ZMYND15: variants seen among roughly 807,000 people sequenced by gnomAD.
The protein encoded by ZMYND15 is zinc finger MYND-type containing 15, also known as zinc finger MYND domain-containing protein 15.
ZMYND15 carries 54 observed loss-of-function variants against 81.7 expected under a neutral mutation model. The ratio of observed to expected loss-of-function variants is 0.66; its 90% CI spans 0.53 to 0.83. The LOEUF (loss-of-function observed/expected upper bound fraction) is 0.83. Ranked by LOEUF, ZMYND15 falls within the 40% of genes least tolerant of loss-of-function variation. The pLI is 0.00. For missense variants in ZMYND15, 925 were observed against 973.5 expected, an observed-to-expected ratio of 0.95 and a Z score of 0.66; for synonymous variants, 399 against 387.0, an observed-to-expected ratio of 1.03 and a Z score of -0.36.
chr17:4,745,241 C>G lies in ZMYND15; in HGVS notation c.1923C>G (p.Thr641=), dbSNP rs769366081. Residue 641 remains threonine, a synonymous_variant, in exon 13 of 14, where the codon ACC becomes ACG. Transcript: ENST00000433935. This position sits in a 1 kb window ranked among gnomAD's most constrained non-coding sequence, Gnocchi z 5.2. ...LQSLRVPAFF[T]ESSEYSCVMD... ...CCCTCCGAGTGCCAGCCTTCTTCAC[C>G]GAGAGCAGCGAGTACAGCTGTGTGA... 2.2e-5 allele frequency: 35 copies of G among 1,613,952 alleles called. No homozygotes were observed. The Admixed American group carries it at 2.7e-4, about 12-fold the overall frequency.
chr17:4,745,750 G>GACCCCTGGGAGCCCCC lies in ZMYND15; in HGVS notation c.2058-57_2058-56insCCCCACCCCTGGGAGC. 9.9e-7 allele frequency: 1 copy of GACCCCTGGGAGCCCCC among 1,014,276 alleles called. No individual in the cohort carries two copies. The highest frequency in any genetic ancestry group is 2.2e-5 in the South Asian group (1 of 45,078). The allele number at this position is 1,014,276 out of a possible 1,614,324, so 62.8% of individuals were successfully genotyped here. A position where few individuals can be genotyped will look rare whatever the true frequency, so the allele number is the denominator to read the frequency against. On this transcript the variant is annotated intron_variant, in intron 13 of 13. Transcript: ENST00000433935. This position sits in a 1 kb window ranked among gnomAD's most constrained non-coding sequence, Gnocchi z 5.2. ...CCCTGACCGCGCCCCTGGGAGCCCCGACCCCTGGGAGCGCCGACCCCTGGG... is the reference window on the plus strand; with the variant it reads ...CCCTGACCGCGCCCCTGGGAGCCCCGACCCCTGGGAGCCCCCACCCCTGGGAGCGCCGACCCCTGGG...
chr17:4,739,907 G>T lies in ZMYND15; in HGVS notation c.-174G>T. 1.0e-6 allele frequency: 1 copy of T among 985,404 alleles called. No individual in the cohort carries two copies. Among genetic ancestry groups the T allele is most frequent in the Non-Finnish European group, 1.2e-6 (1 of 830,056 alleles). 61.0% of individuals were successfully genotyped at this position (985,404 alleles called of 1,614,324 possible). A position where few individuals can be genotyped will look rare whatever the true frequency, so the allele number is the denominator to read the frequency against. ...CAGCCCCGGCCGCGCGCACCTGCGG[G>T]GCAGCCACCCGCGGACGCACCGAGC... On this transcript the variant is annotated 5_prime_UTR_variant, in exon 1 of 14. Coordinates refer to ENST00000433935, the MANE Select transcript of ZMYND15 (RefSeq NM_001136046.3). This position sits in a 1 kb window ranked among gnomAD's most constrained non-coding sequence, Gnocchi z 5.3.
In ZMYND15 at chr17:4,745,225, T is replaced by A; in HGVS notation, c.1907T>A (p.Val636Glu). 1.9e-6 allele frequency: 3 copies of A among 1,613,616 alleles called. No individual in the cohort carries two copies. The highest frequency in any genetic ancestry group is 2.5e-6 in the Non-Finnish European group (3 of 1,179,888). Residue 636 changes from valine (V) to glutamate (E), a missense_variant, in exon 13 of 14, where the codon GTG becomes GAG. By Grantham distance (121) the Val-to-Glu change is moderately radical (BLOSUM62 -2). Transcript: ENST00000433935. The surrounding 1 kb of genome is among the most constrained non-coding windows in gnomAD (Gnocchi z 5.2). ...RSLPRLQSLRVPAFFTESSEY... is the reference protein window; with the variant it reads ...RSLPRLQSLREPAFFTESSEY... ...CTCGCTCCACCCCAGTCCCTCCGAG[T>A]GCCAGCCTTCTTCACCGAGAGCAGC...
rs768196770 is a variant in ZMYND15, at chr17:4,741,691, C to G, written c.702C>G (p.Gly234=). The change falls in exon 3 of 14, where the codon GGC becomes GGG. Residue 234 remains glycine (G), a synonymous_variant. Transcript: ENST00000433935. ...VDGAQGTASW[G]SGTKDLAPWA... The stretch of plus-strand genomic sequence containing the variant: ...GAGCCCAGGGAACCGCAAGCTGGGG[C>G]TCAGGGACCAAGGACCTGGCTCCTT... 1.9e-6 allele frequency: 3 copies of G among 1,614,102 alleles called. No homozygotes were observed. Among genetic ancestry groups the G allele is most frequent in the Non-Finnish European group, 2.5e-6 (3 of 1,179,988 alleles).
chr17:4,745,242 G>A lies in ZMYND15; in HGVS notation c.1924G>A (p.Glu642Lys), dbSNP rs772574622. Residue 642 changes from glutamate (E) to lysine (K), a missense_variant, in exon 13 of 14, where the codon GAG becomes AAG. Transcript: ENST00000433935. This position sits in a 1 kb window ranked among gnomAD's most constrained non-coding sequence, Gnocchi z 5.2. ...QSLRVPAFFT[E>K]SSEYSCVMDG... ...CCTCCGAGTGCCAGCCTTCTTCACCGAGAGCAGCGAGTACAGCTGTGTGAT... is the reference window on the plus strand; with the variant it reads ...CCTCCGAGTGCCAGCCTTCTTCACCAAGAGCAGCGAGTACAGCTGTGTGAT... 6.2e-7 allele frequency: 1 copy of A among 1,613,998 alleles called. No individual in the cohort carries two copies. Among genetic ancestry groups the A allele is most frequent in the South Asian group, 1.1e-5 (1 of 91,068 alleles).
chr17:4,744,391 A>G lies in ZMYND15; in HGVS notation c.1607A>G (p.His536Arg). 1.2e-6 allele frequency: 2 copies of G among 1,613,916 alleles called. No homozygotes were observed. Among genetic ancestry groups the G allele is most frequent in the Non-Finnish European group, 1.7e-6 (2 of 1,179,974 alleles). ...CAGGAGCTTTTGGTCCTGCTCCCCC[A>G]TGTGGCCCTGGAGCTGCAGTTTGTA... ...VFWELLVLLP[H>R]VALELQFVGD... The change falls in exon 10 of 14, where the codon CAT becomes CGT. Residue 536 changes from histidine (H) to arginine (R), a missense_variant. Physicochemically the swap from His to Arg is conservative, Grantham distance 29 (BLOSUM62 0). Coordinates refer to ENST00000433935, the MANE Select transcript of ZMYND15 (RefSeq NM_001136046.3). This position sits in a 1 kb window ranked among gnomAD's most constrained non-coding sequence, Gnocchi z 4.1.
rs1449835643 is a variant in ZMYND15, at chr17:4,743,289, T to C, written c.1145-14T>C. The C allele has an allele frequency of 6.5e-7, 1 of 1,528,598 alleles. No homozygotes were observed. The highest frequency in any genetic ancestry group is 2.2e-5 in the East Asian group (1 of 44,684). 94.7% of individuals were successfully genotyped at this position (1,528,598 alleles called of 1,614,324 possible). On this transcript the variant is annotated splice_polypyrimidine_tract_variant and intron_variant, in intron 5 of 13. Transcript: ENST00000433935. The surrounding 1 kb of genome is among the most constrained non-coding windows in gnomAD (Gnocchi z 4.3). ...TAGCCCAGCACCTCAACTCCTCCCC[T>C]TCTCCTTCTCCAGAGGTGACCAGTG... is the stretch of plus-strand genomic sequence containing the variant.
At position 4,745,877 on chromosome 17, in the gene ZMYND15, C is replaced by T. The variant is rs1916646819; in HGVS notation, c.2116C>T (p.Arg706Cys). Residue 706 changes from arginine to cysteine, a missense_variant, in exon 14 of 14, where the codon CGC (arginine) becomes TGC (cysteine). Physicochemically the swap from Arg to Cys is radical, Grantham distance 180 (BLOSUM62 -3). Transcript: ENST00000433935. This position sits in a 1 kb window ranked among gnomAD's most constrained non-coding sequence, Gnocchi z 5.2. ...CAAGCCTGCTCAAGGGAGCGGGGCC[C>T]GCCCGGCGCCCGGGCCCCCACCCCC... is the stretch of plus-strand genomic sequence containing the variant. ...VYKPAQGSGARPAPGPPPPSP... is the reference protein window; with the variant it reads ...VYKPAQGSGACPAPGPPPPSP... The T allele has an allele frequency of 7.6e-6, 12 of 1,572,616 alleles. No individual in the cohort carries two copies. Among genetic ancestry groups the T allele is most frequent in the Non-Finnish European group, 1.0e-5 (12 of 1,161,516 alleles).
rs1237370155 is a variant in ZMYND15, at chr17:4,744,292, G to A, written c.1584+14G>A. On this transcript the variant is annotated intron_variant, in intron 9 of 13. Coordinates refer to ENST00000433935, the MANE Select transcript of ZMYND15 (RefSeq NM_001136046.3). The surrounding 1 kb of genome is among the most constrained non-coding windows in gnomAD (Gnocchi z 4.1). ...ATGGTGTTTTGGGTAAGTCACCCCA[G>A]GCCTGAAGGTTGGGCATTTTGGTAT... 2 of 1,614,090 alleles carry A rather than the reference G, an allele frequency of 1.2e-6. No homozygotes were observed. The highest frequency in any genetic ancestry group is 1.3e-5 in the African/African-American group (1 of 75,026).
intron 2 of ZMYND15, among the ~76,000 whole-genome samples, 186 bp downstream of exon 2, chr17:4,741,326 C>G (rs1055044099): frequency 6.6e-6 from 1 of 151,670 alleles, no homozygotes; most frequent in Admixed American, 6.6e-5. Context: ...AAAAAAGTAT[C>G]CAGAAGTCTG....
At chr17:4,741,366 G>A (rs1916403763) in intron 2 of ZMYND15, among the ~76,000 whole-genome samples, 2 of 152,038 alleles carry the variant, frequency 1.3e-5, no homozygotes, top group Non-Finnish European at 2.9e-5. Context: ...AAAATCTCAA[G>A]CTCTGACAGT....
chr17:4,742,047 C>T lies in ZMYND15; in HGVS notation c.960C>T (p.Ser320=), dbSNP rs1916446337. ...CCTGCCATGTGTGTCACAGGCACAG[C>T]TTTGAAGCGAAGCTGACACCTTGGT... ...ARTCHVCHRH[S]FEAKLTPCPQ... is the part of the protein sequence containing the mutation. Residue 320 remains serine (S), a synonymous_variant, in exon 4 of 14, where the codon AGC becomes AGT. Transcript: ENST00000433935. 1.2e-6 allele frequency: 2 copies of T among 1,614,064 alleles called. No homozygotes were observed. Among genetic ancestry groups the T allele is most frequent in the African/African-American group, 2.7e-5 (2 of 74,920 alleles).
At chr17:4,740,127 C>G in intron 1 of ZMYND15, 77 bp downstream of exon 1, 1 of 955,900 alleles carries the variant, frequency 1.0e-6, no homozygotes, top group Non-Finnish European at 1.2e-6. Flanking sequence ...GCCCAGGGAA[C>G]CCCCTCGCTC....
Position 4,743,744 on chromosome 17 carries a change from C to T in ZMYND15, c.1298-23C>T. 1 of 1,607,698 alleles carries T rather than the reference C, an allele frequency of 6.2e-7. No individual in the cohort carries two copies. On this transcript the variant is annotated intron_variant, in intron 6 of 13. Coordinates refer to ENST00000433935, the MANE Select transcript of ZMYND15 (RefSeq NM_001136046.3). This position sits in a 1 kb window ranked among gnomAD's most constrained non-coding sequence, Gnocchi z 4.3. ...GGTGGGGGTCTCCCTGACCCCAGGC[C>T]CCTCCTTCTTTCATCCTCTCAGGAG...
In ZMYND15 at chr17:4,741,986, G is replaced by A. The variant is rs143837890; in HGVS notation, c.899G>A (p.Arg300Gln). The A allele has an allele frequency of 1.3e-4, 204 of 1,614,158 alleles. 2 individuals carry two copies. The African/African-American group carries it at 2.4e-3, about 19-fold the overall frequency. The change falls in exon 4 of 14, where the codon CGG becomes CAG. Residue 300 changes from arginine (R) to glutamine (Q), a missense_variant. Arg to Gln is a conservative substitution (Grantham distance 43). Coordinates refer to ENST00000433935, the MANE Select transcript of ZMYND15 (RefSeq NM_001136046.3). ...ACCCCAATGCGGACATGGGGTCCCC[G>A]GCCAGGCTTCACCTTTGCTTCCCTT... is the stretch of plus-strand genomic sequence containing the variant. ...AKTPMRTWGP[R>Q]PGFTFASLRA...
At position 4,740,999 on chromosome 17, in the gene ZMYND15, A is replaced by C; in HGVS notation, c.451A>C (p.Ser151Arg). 6.4e-7 allele frequency: 1 copy of C among 1,557,360 alleles called. No individual in the cohort carries two copies. The highest frequency in any genetic ancestry group is 1.2e-5 in the South Asian group (1 of 84,636). Residue 151 changes from serine to arginine, a missense_variant, in exon 2 of 14, where the codon AGC (serine) becomes CGC (arginine). By Grantham distance (110) the Ser-to-Arg change is moderately radical (BLOSUM62 -1). Coordinates refer to ENST00000433935, the MANE Select transcript of ZMYND15 (RefSeq NM_001136046.3). Reference protein sequence around the residue: ...PEEDRELAPTSRESPQETNPP... With the variant: ...PEEDRELAPTRRESPQETNPP... ...GGAGGACCGGGAGCTAGCCCCTACC[A>C]GCAGGGAGTCCCCCCAGGAAACAAA...
Position 4,745,744 on chromosome 17 carries a change from A to T in ZMYND15, c.2058-75A>T. 1.0e-6 allele frequency: 1 copy of T among 984,252 alleles called. No individual in the cohort carries two copies. Among genetic ancestry groups the T allele is most frequent in the East Asian group, 4.6e-5 (1 of 21,960 alleles). 61.0% of individuals were successfully genotyped at this position (984,252 alleles called of 1,614,324 possible). A position where few individuals can be genotyped will look rare whatever the true frequency, so the allele number is the denominator to read the frequency against. ...CCTGGTCCCTGACCGCGCCCCTGGG[A>T]GCCCCGACCCCTGGGAGCGCCGACC... On this transcript the variant is annotated intron_variant, in intron 13 of 13. Transcript: ENST00000433935. This position sits in a 1 kb window ranked among gnomAD's most constrained non-coding sequence, Gnocchi z 5.2.
chr17:4,740,836 C>A lies in ZMYND15; in HGVS notation c.288C>A (p.His96Gln). 6.3e-7 allele frequency: 1 copy of A among 1,578,096 alleles called. No individual in the cohort carries two copies. Among genetic ancestry groups the A allele is most frequent in the South Asian group, 1.2e-5 (1 of 86,348 alleles). Residue 96 changes from histidine to glutamine, a missense_variant, in exon 2 of 14, where the codon CAC becomes CAA. Physicochemically the swap from His to Gln is conservative, Grantham distance 24. Coordinates refer to ENST00000433935, the MANE Select transcript of ZMYND15 (RefSeq NM_001136046.3). Reference sequence around the variant, plus strand: ...TCCTGGGAGACAACCCTCCACTCCACCTGCGAGACCTGAGCCCCTACATCA... The same window carrying A: ...TCCTGGGAGACAACCCTCCACTCCAACTGCGAGACCTGAGCCCCTACATCA... ...AWLLGDNPPL[H>Q]LRDLSPYISF...
rs1354471205 is a variant in ZMYND15, at chr17:4,745,887, C to T, written c.2126C>T (p.Pro709Leu). ...PAQGSGARPA[P>L]GPPPPSPTPS... ...CAAGGGAGCGGGGCCCGCCCGGCGC[C>T]CGGGCCCCCACCCCCATCCCCAACT... The change falls in exon 14 of 14, where the codon CCC (proline) becomes CTC (leucine). Residue 709 changes from proline to leucine, a missense_variant. Transcript: ENST00000433935. This position sits in a 1 kb window ranked among gnomAD's most constrained non-coding sequence, Gnocchi z 5.2. The T allele has an allele frequency of 6.4e-7, 1 of 1,564,588 alleles. No individual in the cohort carries two copies. Among genetic ancestry groups the T allele is most frequent in the Admixed American group, 1.9e-5 (1 of 52,632 alleles).
Sources: gnomAD v4.1 joint callset for allele counts (sites outside exome capture counted in the v4.1 genomes callset) on GRCh38, gnomAD v4.1.1 for gene constraint, Gnocchi (gnomAD v3.1) non-coding constraint, MANE v1.5 for transcripts, NCBI Gene and HGNC (gene_info 2026-07-23, HGNC 2026-07-21) for gene names.